The following ANO3 variants were observed in gnomAD, a reference collection of about 807,000 sequenced individuals.
ANO3 encodes anoctamin-3.
ANO3 carries 99 observed loss-of-function variants against 144.8 expected under a neutral mutation model. The ratio of observed to expected loss-of-function variants is 0.68; its 90% CI spans 0.58 to 0.81. The LOEUF (loss-of-function observed/expected upper bound fraction) is 0.81. Among genes scored for constraint, ANO3 ranks in the 30% least tolerant of loss-of-function variants. ANO3 has a pLI of 0.00. For synonymous variants in ANO3, 414 were observed against 392.6 expected (o/e 1.05, Z -0.64); for missense variants, 905 against 1,202.2 (o/e 0.75, Z 3.66).
At chr11:26,349,627 C>T (rs1011485124) in intron 1 of ANO3, among the ~76,000 whole-genome samples, 1 of 152,122 alleles carries the variant, frequency 6.6e-6, no homozygotes, top group African/African-American at 2.4e-5. Context: ...CAGCTCACTG[C>T]AAGCTCCGCC....
chr11:26,634,080 C>CAA lies in ANO3; in HGVS notation c.1874-107_1874-106dup, dbSNP rs10631901. 40,310 of 351,790 alleles carry CAA rather than the reference C, an allele frequency of 0.11. 1,300 individuals are homozygous for CAA. The highest frequency in any genetic ancestry group is 0.12 in the Middle Eastern group (168 of 1,370). The allele number at this position is 351,790 out of a possible 1,614,324, so 21.8% of individuals were successfully genotyped here. On this transcript the variant is annotated intron_variant, in intron 18 of 26. Transcript: ENST00000256737. The stretch of plus-strand genomic sequence containing the variant: ...GCAACAGAGAGTGAGACTCCATTTC[C>CAA]AAAAAAAAAAAAAAAAAATTAAATT...
Position 26,634,779 on chromosome 11 carries a change from T to C in ANO3, c.1986-234T>C, listed in dbSNP as rs1358810983. Among the ~76,000 whole-genome samples, 3 of 152,150 alleles carry C rather than the reference T, an allele frequency of 2.0e-5. No individual in the cohort carries two copies. The East Asian group carries it at 5.8e-4, about 29-fold the overall frequency. On this transcript the variant is annotated intron_variant, in intron 19 of 26. Coordinates refer to ENST00000256737, the MANE Select transcript of ANO3 (RefSeq NM_031418.4). ...AACGTTAAGACTCTCTATGTGAGGG[T>C]CGGAAATGTCATCCAGTTGGTTTGT...
intron 1 of ANO3, among the ~76,000 whole-genome samples, chr11:26,360,289 C>T (rs1365358608): frequency 1.3e-5 from 2 of 149,292 alleles, no homozygotes; most frequent in Non-Finnish European, 3.0e-5. Context: ...CTTAAATATT[C>T]ATGGATCCAT....
At chr11:26,515,406 T>TTTAC (rs71047858) in intron 5 of ANO3, among the ~76,000 whole-genome samples, 1 of 151,660 alleles carries the variant, frequency 6.6e-6, no homozygotes, top group Non-Finnish European at 1.5e-5. Flanking sequence ...AAACCAAAAC[T>TTTAC]TTAATCATGG....
intron 17 of ANO3, among the ~76,000 whole-genome samples, chr11:26,608,947 T>A (rs1418669119): frequency 6.6e-6 from 1 of 152,174 alleles, no homozygotes; most frequent in Non-Finnish European, 1.5e-5. Flanking sequence ...AGCAGGCACC[T>A]GCAGCTGTGG....
chr11:26,314,124 T>A (rs1854568320), intron 1 of ANO3, among the ~76,000 whole-genome samples: 1 of 152,106 alleles, frequency 6.6e-6, no homozygotes, highest in South Asian at 2.1e-4. Context: ...GAGAGTAGCC[T>A]TTATACCAGG....
intron 4 of ANO3, among the ~76,000 whole-genome samples, chr11:26,488,810 G>C (rs12364680): frequency 6.6e-6 from 1 of 152,132 alleles, no homozygotes; most frequent in South Asian, 2.1e-4. Flanking sequence ...CCACAGCCTC[G>C]AAAGGGACCC....
intron 1 of ANO3, among the ~76,000 whole-genome samples, chr11:26,239,353 T>C (rs1367231570): frequency 6.6e-6 from 1 of 152,176 alleles, no homozygotes; most frequent in Non-Finnish European, 1.5e-5. Context: ...AATTTTCATC[T>C]TCACTTACAG....
intron 1 of ANO3, among the ~76,000 whole-genome samples, chr11:26,302,254 T>G (rs958606681): frequency 6.6e-6 from 1 of 152,220 alleles, no homozygotes; most frequent in Admixed American, 6.5e-5. Flanking sequence ...CCCAGCACTT[T>G]GGGAGGCCGA....
rs1281310329 is a variant in ANO3 at position 26,223,610 on chromosome 11, A to C, written c.154+34280A>C. Among the ~76,000 whole-genome samples, 6 of 151,674 alleles carry C rather than the reference A, an allele frequency of 4.0e-5. No homozygotes were observed. In the East Asian group the frequency reaches 9.7e-4, roughly 24 times the overall value. On this transcript the variant is annotated intron_variant, in intron 1 of 27. Coordinates refer to the ANO3 transcript ENST00000672621. ...CCATTCTAGCTTTTTAATAAAAAAA[A>C]AAAAAAAAAAAACCCTGAGATTGGG...
chr11:26,439,950 C>G (rs1320489611), intron 1 of ANO3, among the ~76,000 whole-genome samples: 1 of 152,052 alleles, frequency 6.6e-6, no homozygotes. Flanking sequence ...GTATAAAATA[C>G]TTAAATATCC....
intron 4 of ANO3, among the ~76,000 whole-genome samples, chr11:26,485,919 G>C (rs931809132): frequency 7.2e-5 from 11 of 152,078 alleles, no homozygotes; most frequent in Admixed American, 1.3e-4. Flanking sequence ...CCTGCACTAT[G>C]GGAGAAAATA....
chr11:26,584,719 C>A (rs777478874), intron 14 of ANO3, among the ~76,000 whole-genome samples: 3 of 152,094 alleles, frequency 2.0e-5, no homozygotes, highest in Non-Finnish European at 2.9e-5. Context: ...ATATTTCAAC[C>A]ACCTGGGCCT....
intron 1 of ANO3, among the ~76,000 whole-genome samples, chr11:26,259,224 T>G (rs907345556): frequency 3.3e-5 from 5 of 152,184 alleles, no homozygotes; most frequent in African/African-American, 1.2e-4. Context: ...ATAGATTGAA[T>G]AGATTGACTC....
intron 5 of ANO3, among the ~76,000 whole-genome samples, chr11:26,511,767 A>G (rs1861674707): frequency 6.6e-6 from 1 of 152,132 alleles, no homozygotes; most frequent in Non-Finnish European, 1.5e-5. Flanking sequence ...AAAGGGCTAG[A>G]TATGGTTTTC....
At chr11:26,339,403 C>T (rs898401128) in intron 1 of ANO3, among the ~76,000 whole-genome samples, 6 of 152,172 alleles carry the variant, frequency 3.9e-5, no homozygotes, top group Admixed American at 3.3e-4. Context: ...ATCCGCCTGC[C>T]TGGGCTTCCC....
chr11:26,445,920 C>T (rs1047379127), intron 3 of ANO3, among the ~76,000 whole-genome samples: 1 of 152,080 alleles, frequency 6.6e-6, no homozygotes. Flanking sequence ...CAACCTCTGC[C>T]TGCCAGGTTC....
intron 3 of ANO3, among the ~76,000 whole-genome samples, chr11:26,451,252 G>A (rs4922758): frequency 0.62 from 94,918 of 152,046 alleles, 31,986 homozygotes; most frequent in Admixed American, 0.78. Context: ...TGGGTGCAGT[G>A]CACCCTGCAT....
intron 18 of ANO3, among the ~76,000 whole-genome samples, chr11:26,628,044 A>C (rs1228036176): frequency 6.6e-6 from 1 of 152,198 alleles, no homozygotes; most frequent in Non-Finnish European, 1.5e-5. Flanking sequence ...GATAAAGCTT[A>C]AATTCTATTA....
Sources: gnomAD v4.1 joint callset for allele counts (sites outside exome capture counted in the v4.1 genomes callset) on GRCh38, gnomAD v4.1.1 for gene constraint, MANE v1.5 for transcripts, NCBI Gene and HGNC (gene_info 2026-07-23, HGNC 2026-07-21) for gene names.